ESRRG: variants seen among roughly 807,000 people sequenced by gnomAD.
The protein encoded by ESRRG is estrogen-related receptor gamma.
A neutral mutation model predicts 44.0 loss-of-function variants in ESRRG; 13 were observed. The observed-to-expected ratio is 0.30, with a 90% confidence interval of 0.19 to 0.47. The LOEUF (loss-of-function observed/expected upper bound fraction) is 0.47. Ranked by LOEUF, ESRRG falls within the 20% of genes least tolerant of loss-of-function variation. The pLI is 1.00. For synonymous variants in ESRRG, 215 were observed against 214.6 expected, an observed-to-expected ratio of 1.00 and a Z score of -0.02; for missense variants, 395 against 580.6, an observed-to-expected ratio of 0.68 and a Z score of 3.29.
chr1:216,783,178 C>T (rs541437032), intron 2 of ESRRG, among the ~76,000 whole-genome samples: 1 of 152,056 alleles, frequency 6.6e-6, no homozygotes, highest in South Asian at 2.1e-4. Flanking sequence ...GAAATTATTT[C>T]CTTGGTTTAC....
intron 2 of ESRRG, among the ~76,000 whole-genome samples, chr1:216,885,378 A>G (rs546035089): frequency 7.2e-4 from 109 of 152,202 alleles, no homozygotes; most frequent in Middle Eastern, 6.8e-3. Flanking sequence ...AGTTTCACAG[A>G]TTGGCTTCTA....
At chr1:216,752,959 T>C (rs1001165249) in intron 2 of ESRRG, among the ~76,000 whole-genome samples, 3 of 141,312 alleles carry the variant, frequency 2.1e-5, no homozygotes, top group Non-Finnish European at 4.8e-5. Context: ...CTTCTCACTA[T>C]TTTTTTTCAA....
intron 1 of ESRRG, among the ~76,000 whole-genome samples, chr1:217,051,632 G>A (rs1171197346): frequency 6.6e-6 from 1 of 152,182 alleles, no homozygotes; most frequent in Non-Finnish European, 1.5e-5. Flanking sequence ...AGAGAGAAAT[G>A]AGCCATATGG....
intron 1 of ESRRG, among the ~76,000 whole-genome samples, chr1:216,718,595 G>C (rs12083476): frequency 0.019 from 2,887 of 152,036 alleles, 89 homozygotes; most frequent in African/African-American, 0.066. Flanking sequence ...ATATCTCACT[G>C]TCAGAGAATG....
chr1:216,547,179 T>C (rs987915981), intron 5 of ESRRG, among the ~76,000 whole-genome samples: 3 of 152,106 alleles, frequency 2.0e-5, no homozygotes, highest in Middle Eastern at 6.8e-3. Flanking sequence ...TGAGATAATA[T>C]ATGTAAAATA....
intron 2 of ESRRG, among the ~76,000 whole-genome samples, chr1:216,894,331 G>A (rs2058163936): frequency 6.6e-6 from 1 of 152,076 alleles, no homozygotes; most frequent in African/African-American, 2.4e-5. Flanking sequence ...TCTTTTAAAG[G>A]TCTTTGGTCA....
chr1:216,608,013 CAAAT>C (rs1223131307), intron 3 of ESRRG, among the ~76,000 whole-genome samples: 1 of 152,114 alleles, frequency 6.6e-6, no homozygotes, highest in African/African-American at 2.4e-5. Flanking sequence ...AAGTTATAAT[CAAAT>C]AACCATTATT....
intron 1 of ESRRG, among the ~76,000 whole-genome samples, chr1:216,970,254 T>C (rs892181690): frequency 2.6e-5 from 4 of 152,198 alleles, no homozygotes; most frequent in Non-Finnish European, 5.9e-5. Context: ...AAAAATCTAA[T>C]GTGCAGTTGG....
rs535191545 is a variant in ESRRG at position 216,591,755 on chromosome 1, T to A, written c.590-23657A>T. 4.6e-5 allele frequency among the ~76,000 whole-genome samples: 7 copies of A among 152,088 alleles called. No homozygotes were observed. The East Asian group carries it at 1.4e-3, about 29-fold the overall frequency. The stretch of plus-strand genomic sequence containing the variant: ...CTTGAAGGGGCTCTCTCTGGAAAAA[T>A]CTGGGACAATTTGAGGATCAAAATA... On this transcript the variant is annotated intron_variant, in intron 3 of 6. Transcript: ENST00000408911.
chr1:216,717,472 G>A (rs2085147774), intron 1 of ESRRG, among the ~76,000 whole-genome samples: 4 of 151,776 alleles, frequency 2.6e-5, no homozygotes, highest in Non-Finnish European at 5.9e-5. Context: ...GATAATAAAG[G>A]AGCTAACTTT....
chr1:217,099,712 G>C (rs908873865), intron 1 of ESRRG, among the ~76,000 whole-genome samples: 4 of 152,234 alleles, frequency 2.6e-5, no homozygotes, highest in African/African-American at 9.6e-5. Flanking sequence ...CAGCCAGACT[G>C]TAACACAGGT....
Position 216,990,631 on chromosome 1 carries a change from G to A in ESRRG, c.-105-50958C>T, listed in dbSNP as rs77031365. 9.7e-3 allele frequency among the ~76,000 whole-genome samples: 1,476 copies of A among 152,062 alleles called. 21 individuals carry two copies. The highest frequency in any genetic ancestry group is 0.034 in the African/African-American group (1,410 of 41,458). ...TCAATGTGAAGATGACAGGAGTCATGACCTTTATGATAATCTCCTTCCACT... is the reference window on the plus strand; with the variant it reads ...TCAATGTGAAGATGACAGGAGTCATAACCTTTATGATAATCTCCTTCCACT... On this transcript the variant is annotated intron_variant, in intron 1 of 7. Transcript: ENST00000359162.
chr1:216,779,036 A>T (rs1287757191), intron 2 of ESRRG, among the ~76,000 whole-genome samples: 1 of 146,526 alleles, frequency 6.8e-6, no homozygotes, highest in African/African-American at 2.5e-5. Flanking sequence ...CTGAACTGTA[A>T]AGATCCCTTC....
intron 1 of ESRRG, among the ~76,000 whole-genome samples, chr1:216,687,028 T>TGA (rs2078113573): frequency 6.8e-6 from 1 of 147,222 alleles, no homozygotes. Context: ...GCAGGGCCCG[T>TGA]GTGTGTGTGT....
intron 3 of ESRRG, among the ~76,000 whole-genome samples, chr1:216,628,111 G>T (rs1248151737): frequency 2.6e-5 from 4 of 152,236 alleles, no homozygotes; most frequent in African/African-American, 9.6e-5. Context: ...TTAGAATAAT[G>T]GATTTTTAGG....
Position 216,737,995 on chromosome 1 carries a change from CTTTT to C in ESRRG, c.-13-60508_-13-60505del, listed in dbSNP as rs144453643. On this transcript the variant is annotated intron_variant, in intron 2 of 7. Transcript: ENST00000359162. ...CACTAGTTCTGCAGATGAGACATCA[CTTTT>C]TTTTTTTTTTTTTTTTTGGTCATGC... Among the ~76,000 whole-genome samples, 639 of 119,590 alleles carry C rather than the reference CTTTT, an allele frequency of 5.3e-3. 4 individuals carry two copies. Among genetic ancestry groups the C allele is most frequent in the African/African-American group, 0.018 (585 of 32,112 alleles). 78.5% of individuals were successfully genotyped at this position (119,590 alleles called of 152,430 possible).
chr1:216,920,415 TGTGTGCGC>T (rs1000619061), intron 2 of ESRRG, among the ~76,000 whole-genome samples: 9 of 116,000 alleles, frequency 7.8e-5, no homozygotes, highest in African/African-American at 2.7e-4. Flanking sequence ...TGTGTGTGTG[TGTGTGCGC>T]ATATTTTTCT....
chr1:217,074,884 A>G (rs2091080800), intron 1 of ESRRG, among the ~76,000 whole-genome samples: 1 of 152,174 alleles, frequency 6.6e-6, no homozygotes, highest in South Asian at 2.1e-4. Flanking sequence ...ACAGGACCAA[A>G]CAATGGTGTG....
chr1:216,773,228 TG>T (rs986459552), intron 2 of ESRRG, among the ~76,000 whole-genome samples: 2 of 152,096 alleles, frequency 1.3e-5, no homozygotes, highest in African/African-American at 4.8e-5. Flanking sequence ...TTCAAGAGAT[TG>T]GAATTAGAAA....
Sources: allele counts gnomAD v4.1 joint callset (sites outside exome capture counted in the v4.1 genomes callset), GRCh38; gene constraint gnomAD v4.1.1; transcripts MANE v1.5; gene names NCBI Gene and HGNC (gene_info 2026-07-23, HGNC 2026-07-21).